The following EPB41L3 variants were observed in gnomAD, a reference collection of about 807,000 sequenced individuals.
EPB41L3 encodes band 4.1-like protein 3.
A neutral mutation model predicts 127.1 loss-of-function variants in EPB41L3; 57 were observed. The observed-to-expected ratio is 0.45, with a 90% CI of 0.36 to 0.56. The LOEUF (loss-of-function observed/expected upper bound fraction) is 0.56. EPB41L3 is among the 20% of genes least tolerant of loss of function. The probability of loss-of-function intolerance (pLI) is 0.00; values close to 1 mark genes in which losing one functional copy is unlikely to be tolerated. For missense variants in EPB41L3, 1,273 were observed against 1,372.2 expected (o/e 0.93, Z 1.14); for synonymous variants, 572 against 549.5 (o/e 1.04, Z -0.57).
Position 5,404,556 on chromosome 18 carries a change from T to C in EPB41L3, c.2349+2221A>G, listed in dbSNP as rs544644985. ...AGTTCAGTATATTCAAAGTACTCCTTAAATTATTAACATCCTTGGGCTTAT... is the reference window on the plus strand; with the variant it reads ...AGTTCAGTATATTCAAAGTACTCCTCAAATTATTAACATCCTTGGGCTTAT... On this transcript the variant is annotated intron_variant, in intron 16 of 22. Transcript: ENST00000341928. 5.3e-5 allele frequency among the ~76,000 whole-genome samples: 8 copies of C among 152,358 alleles called. No individual in the cohort carries two copies. The South Asian group carries it at 1.4e-3, about 28-fold the overall frequency.
At chr18:5,581,662 TCAAA>T (rs1344093564) in intron 3 of EPB41L3, among the ~76,000 whole-genome samples, 1 of 152,196 alleles carries the variant, frequency 6.6e-6, no homozygotes, top group Admixed American at 6.5e-5. Flanking sequence ...CCTTATTCCA[TCAAA>T]CATAGTTTAG....
chr18:5,397,975 C>T lies in EPB41L3; in HGVS notation c.2472+46G>A. ...CGCCCAAAAAAAGGGTAAGGAAAGG[C>T]ACATGGGCACATTCAGAAACACCAA... On this transcript the variant is annotated intron_variant, in intron 17 of 22. Transcript: ENST00000341928. This position sits in a 1 kb window ranked among gnomAD's most constrained non-coding sequence, Gnocchi z 4.1. 4 of 1,613,130 alleles carry T rather than the reference C, an allele frequency of 2.5e-6. No individual in the cohort carries two copies. In the Admixed American group the frequency reaches 6.7e-5, roughly 27 times the overall value.
At chr18:5,545,948 AT>A, upstream of EPB41L3, among the ~76,000 whole-genome samples, 1 of 151,184 alleles carries the variant, frequency 6.6e-6, no homozygotes, top group Non-Finnish European at 1.5e-5. Flanking sequence ...TGAAGAAAGA[AT>A]TCATTTTCCT....
At chr18:5,546,907 T>C (rs1195848369), upstream of EPB41L3, among the ~76,000 whole-genome samples, 3 of 152,228 alleles carry the variant, frequency 2.0e-5, no homozygotes, top group African/African-American at 7.2e-5. Context: ...ACATTTTTGC[T>C]AACTGAATGA....
intron 3 of EPB41L3, among the ~76,000 whole-genome samples, chr18:5,602,299 T>C (rs964600071): frequency 1.3e-5 from 2 of 152,208 alleles, no homozygotes; most frequent in Non-Finnish European, 2.9e-5. Context: ...GTATTAATCA[T>C]AGCAAAGCTT....
chr18:5,448,851 G>C (rs980044553), intron 3 of EPB41L3, among the ~76,000 whole-genome samples: 1 of 152,156 alleles, frequency 6.6e-6, no homozygotes, highest in Admixed American at 6.5e-5. Flanking sequence ...GTTTCTGATA[G>C]AGTAAATGGA....
At chr18:5,571,938 A>G (rs1165556530) in intron 3 of EPB41L3, among the ~76,000 whole-genome samples, 2 of 152,230 alleles carry the variant, frequency 1.3e-5, no homozygotes, top group Non-Finnish European at 2.9e-5. Flanking sequence ...CCTGTTCCTC[A>G]CAATTTCCTG....
chr18:5,573,673 T>C (rs1318393690), intron 3 of EPB41L3, among the ~76,000 whole-genome samples: 1 of 152,218 alleles, frequency 6.6e-6, no homozygotes, highest in Non-Finnish European at 1.5e-5. Context: ...CCATTTCCTA[T>C]GTTCCTTTCC....
At chr18:5,422,105 T>C (rs2077547703) in intron 11 of EPB41L3, among the ~76,000 whole-genome samples, 2 of 152,178 alleles carry the variant, frequency 1.3e-5, no homozygotes, top group Admixed American at 6.5e-5. Flanking sequence ...CTTATTCCTA[T>C]TATACAGATG....
In EPB41L3 at chr18:5,397,396, T is replaced by G; in HGVS notation, c.2503A>C (p.Ile835Leu). ...KMETKTESSG[I>L]ETEPTVHHLP... ...TGGTGCACGGTGGGTTCCGTCTCTA[T>G]TCCACTGGACTCCGTCTTGGTTTCC... Residue 835 changes from isoleucine to leucine, a missense_variant, in exon 18 of 23, where the codon ATA becomes CTA. Physicochemically the swap from Ile to Leu is conservative, Grantham distance 5 (BLOSUM62 2). Transcript: ENST00000341928. The surrounding 1 kb of genome is among the most constrained non-coding windows in gnomAD (Gnocchi z 4.1). The G allele has an allele frequency of 1.2e-6, 2 of 1,613,448 alleles. No homozygotes were observed. Among genetic ancestry groups the G allele is most frequent in the Non-Finnish European group, 1.7e-6 (2 of 1,179,720 alleles).
At chr18:5,576,640 T>A (rs1054982829) in intron 3 of EPB41L3, among the ~76,000 whole-genome samples, 2 of 152,174 alleles carry the variant, frequency 1.3e-5, no homozygotes, top group African/African-American at 2.4e-5. Flanking sequence ...AAGAGACCCA[T>A]ACGTAAGACT....
At chr18:5,513,110 T>C (rs1290078428) in intron 1 of EPB41L3, among the ~76,000 whole-genome samples, 1 of 152,150 alleles carries the variant, frequency 6.6e-6, no homozygotes, top group Non-Finnish European at 1.5e-5. Context: ...TTTTTCTGAT[T>C]CTCCTCTTTC....
upstream of EPB41L3, chr18:5,630,593 C>T (rs1330726393): frequency 2.0e-6 from 1 of 494,040 alleles, no homozygotes; most frequent in Admixed American, 2.0e-5. Context: ...GGCCGCCAGA[C>T]CCGGGCTCCT....
At chr18:5,628,247 A>C (rs191647905) in intron 1 of EPB41L3, among the ~76,000 whole-genome samples, 1 of 152,358 alleles carries the variant, frequency 6.6e-6, no homozygotes, top group Admixed American at 6.5e-5. Context: ...AATCACGTGG[A>C]ATTTAGATTT....
chr18:5,446,526 T>C (rs1357724874), intron 3 of EPB41L3, among the ~76,000 whole-genome samples: 1 of 152,240 alleles, frequency 6.6e-6, no homozygotes, highest in Non-Finnish European at 1.5e-5. Context: ...CATATTTGTC[T>C]TTAAGAGTTA....
chr18:5,511,984 G>A (rs1255988434), intron 1 of EPB41L3, among the ~76,000 whole-genome samples: 1 of 152,208 alleles, frequency 6.6e-6, no homozygotes, highest in African/African-American at 2.4e-5. Flanking sequence ...AATAAGACAA[G>A]GAGATCAGGT....
chr18:5,616,403 T>TA (rs1042804756), intron 1 of EPB41L3, among the ~76,000 whole-genome samples: 5 of 152,194 alleles, frequency 3.3e-5, no homozygotes, highest in South Asian at 4.1e-4. Flanking sequence ...GAGCGATCAC[T>TA]AAAAAAATGC....
chr18:5,603,522 G>T (rs1273484478), intron 3 of EPB41L3, among the ~76,000 whole-genome samples: 1 of 152,116 alleles, frequency 6.6e-6, no homozygotes, highest in African/African-American at 2.4e-5. Context: ...CTGATTTTGG[G>T]CAATTACGGG....
At chr18:5,602,522 G>A (rs1440766160) in intron 3 of EPB41L3, among the ~76,000 whole-genome samples, 1 of 152,126 alleles carries the variant, frequency 6.6e-6, no homozygotes, top group Non-Finnish European at 1.5e-5. Flanking sequence ...ATAGCTCACC[G>A]TAGCCTCAAA....
Sources: allele counts gnomAD v4.1 joint callset (sites outside exome capture counted in the v4.1 genomes callset), GRCh38; gene constraint gnomAD v4.1.1; non-coding constraint Gnocchi (gnomAD v3.1); transcripts MANE v1.5; gene names NCBI Gene and HGNC (gene_info 2026-07-23, HGNC 2026-07-21).